The following EPHA5 variants were observed in gnomAD, a reference collection of about 807,000 sequenced individuals.
EPHA5 encodes EPH receptor A5, also known as ephrin type-A receptor 5.
EPHA5 carries 60 observed loss-of-function variants against 105.0 expected under a neutral mutation model. The ratio of observed to expected loss-of-function variants is 0.57; its 90% confidence interval spans 0.46 to 0.71. The LOEUF is 0.71. Among genes scored for constraint, EPHA5 ranks in the 30% least tolerant of loss-of-function variants. The pLI is 0.00. For synonymous variants in EPHA5, 513 were observed against 449.1 expected, an observed-to-expected ratio of 1.14 and a Z score of -1.80; for missense variants, 1,218 against 1,274.7, an observed-to-expected ratio of 0.96 and a Z score of 0.68.
At chr4:65,397,423 C>G (rs1046846703) in intron 8 of EPHA5, among the ~76,000 whole-genome samples, 7 of 152,154 alleles carry the variant, frequency 4.6e-5, no homozygotes, top group Admixed American at 1.3e-4. Flanking sequence ...GTTCTGTTCC[C>G]CACCTAAAAC....
intron 3 of EPHA5, among the ~76,000 whole-genome samples, chr4:65,599,504 G>A (rs1743503821): frequency 6.6e-6 from 1 of 152,050 alleles, no homozygotes; most frequent in Non-Finnish European, 1.5e-5. Context: ...CATAAGTTGT[G>A]TGTAGAATAA....
rs28406557 is a variant in EPHA5 at position 65,525,671 on chromosome 4, A to C, written c.911-30128T>G. On this transcript the variant is annotated intron_variant, in intron 3 of 16. Coordinates refer to ENST00000613740, the MANE Select transcript of EPHA5 (RefSeq NM_001281766.3). The stretch of plus-strand genomic sequence containing the variant: ...ATGAAAAACATAAAGAAATAAAAAC[A>C]CAAGAACCTTACTGAAAACAAAGAC... Among the ~76,000 whole-genome samples the C allele has an allele frequency of 5.8e-3, 881 of 152,026 alleles. 13 individuals are homozygous for C. Among genetic ancestry groups the C allele is most frequent in the African/African-American group, 0.02 (835 of 41,538 alleles).
At chr4:65,452,581 CAAAA>C (rs34579426) in intron 5 of EPHA5, among the ~76,000 whole-genome samples, 1 of 139,902 alleles carries the variant, frequency 7.1e-6, no homozygotes, top group Non-Finnish European at 1.6e-5. Context: ...GCTAAAATAC[CAAAA>C]AAAAAAAAAA....
intron 2 of EPHA5, among the ~76,000 whole-genome samples, chr4:65,627,866 A>T (rs930955525): frequency 2.6e-5 from 4 of 152,140 alleles, no homozygotes; most frequent in African/African-American, 9.6e-5. Flanking sequence ...GTTATAATTG[A>T]CCATCATGTC....
At chr4:65,553,039 G>T (rs1172326390) in intron 3 of EPHA5, among the ~76,000 whole-genome samples, 1 of 151,952 alleles carries the variant, frequency 6.6e-6, no homozygotes, top group Non-Finnish European at 1.5e-5. Context: ...GCTATAGTTG[G>T]AGACAATGAA....
chr4:65,413,415 AAT>A (rs1723096771), intron 7 of EPHA5, among the ~76,000 whole-genome samples: 1 of 152,128 alleles, frequency 6.6e-6, no homozygotes, highest in African/African-American at 2.4e-5. Flanking sequence ...GGGGATGTAT[AAT>A]ATAGTTTTAT....
chr4:65,613,135 C>T (rs1192144433), intron 2 of EPHA5, among the ~76,000 whole-genome samples: 1 of 151,862 alleles, frequency 6.6e-6, no homozygotes, highest in African/African-American at 2.4e-5. Context: ...ATAGGGTGTC[C>T]TAATCTCGGT....
intron 3 of EPHA5, among the ~76,000 whole-genome samples, chr4:65,503,868 A>G (rs1280296261): frequency 2.7e-5 from 4 of 150,942 alleles, no homozygotes; most frequent in Non-Finnish European, 5.9e-5. Flanking sequence ...CATTTTTAAA[A>G]AGTCATTCAA....
intron 5 of EPHA5, among the ~76,000 whole-genome samples, chr4:65,436,856 C>G (rs1008758029): frequency 6.6e-6 from 1 of 151,954 alleles, no homozygotes; most frequent in African/African-American, 2.4e-5. Context: ...TTTTTCCCCC[C>G]TTTATTTAGC....
chr4:65,469,128 C>A (rs1729046349), intron 5 of EPHA5, among the ~76,000 whole-genome samples: 1 of 152,058 alleles, frequency 6.6e-6, no homozygotes, highest in South Asian at 2.1e-4. Flanking sequence ...ATTGCTCCAG[C>A]CATTTTGCTA....
chr4:65,613,995 A>C (rs1334074970), intron 2 of EPHA5, among the ~76,000 whole-genome samples: 1 of 151,988 alleles, frequency 6.6e-6, no homozygotes, highest in Non-Finnish European at 1.5e-5. Flanking sequence ...CTTGAGAATT[A>C]CTATAAAAAC....
chr4:65,460,207 A>T (rs1048913047), intron 5 of EPHA5, among the ~76,000 whole-genome samples: 1 of 151,546 alleles, frequency 6.6e-6, no homozygotes, highest in African/African-American at 2.4e-5. Flanking sequence ...AAATATATAT[A>T]GGGAACAGAA....
chr4:65,531,567 C>A (rs1735802296), intron 3 of EPHA5, among the ~76,000 whole-genome samples: 1 of 149,454 alleles, frequency 6.7e-6, no homozygotes, highest in Non-Finnish European at 1.5e-5. Flanking sequence ...AGAGGATATA[C>A]TGAGATGTCT....
chr4:65,346,930 G>A (rs2148838112), intron 14 of EPHA5, among the ~76,000 whole-genome samples: 1 of 152,300 alleles, frequency 6.6e-6, no homozygotes, highest in Admixed American at 6.5e-5. Flanking sequence ...AGGAGGAGGG[G>A]CAAATACTTG....
intron 5 of EPHA5, among the ~76,000 whole-genome samples, chr4:65,461,809 A>C (rs879742924): frequency 6.6e-6 from 1 of 152,098 alleles, no homozygotes; most frequent in Non-Finnish European, 1.5e-5. Flanking sequence ...TTAAGCTTTG[A>C]AATATAGACA....
intron 2 of EPHA5, among the ~76,000 whole-genome samples, chr4:65,637,065 G>A (rs1488101675): frequency 6.6e-6 from 1 of 151,786 alleles, no homozygotes; most frequent in Non-Finnish European, 1.5e-5. Context: ...AGACCAACAG[G>A]CACACAAATA....
rs1387709984 is a variant in EPHA5, at chr4:65,322,989, G to A, written c.*1125C>T. 1 of 229,188 alleles carries A rather than the reference G, an allele frequency of 4.4e-6. No individual in the cohort carries two copies. The highest frequency in any genetic ancestry group is 8.7e-6 in the Non-Finnish European group (1 of 115,492). 14.2% of individuals were successfully genotyped at this position (229,188 alleles called of 1,614,324 possible). A position where few individuals can be genotyped will look rare whatever the true frequency, so the allele number is the denominator to read the frequency against. ...CCTGGATTTAACAACATTAACAGAA[G>A]CCTGCACAGTTAAATCCTTCTACAT... On this transcript the variant is annotated 3_prime_UTR_variant, in exon 17 of 17. Coordinates refer to ENST00000613740, the MANE Select transcript of EPHA5 (RefSeq NM_001281766.3).
At chr4:65,398,447 AG>A (rs1159221993) in intron 8 of EPHA5, among the ~76,000 whole-genome samples, 1 of 152,152 alleles carries the variant, frequency 6.6e-6, no homozygotes, top group Non-Finnish European at 1.5e-5. Context: ...TGATGGTGGC[AG>A]GAGGCAGACA....
chr4:65,414,643 T>C (rs1723222995), intron 6 of EPHA5, among the ~76,000 whole-genome samples, 200 bp from the exon 7 acceptor site: 1 of 152,184 alleles, frequency 6.6e-6, no homozygotes, highest in Admixed American at 6.5e-5. Context: ...GAACTCAAGG[T>C]GGTGGGTGAC....
Sources: gnomAD v4.1 joint callset for allele counts (sites outside exome capture counted in the v4.1 genomes callset) on GRCh38, gnomAD v4.1.1 for gene constraint, MANE v1.5 for transcripts, NCBI Gene and HGNC (gene_info 2026-07-23, HGNC 2026-07-21) for gene names.